The following TRAPPC9 variants were observed in gnomAD, a reference collection of about 807,000 sequenced individuals.
The protein encoded by TRAPPC9 is IKK2 binding protein.
In TRAPPC9, 83 loss-of-function variants were observed where a neutral mutation model predicts 124.0. The observed-to-expected ratio is 0.67, with a 90% CI of 0.56 to 0.80. The LOEUF is 0.80. TRAPPC9 is among the 30% of genes least tolerant of loss of function. The pLI, the probability that TRAPPC9 is intolerant of heterozygous loss-of-function variation, is 0.00. For synonymous variants in TRAPPC9, 638 were observed against 617.5 expected (o/e 1.03, Z -0.49); for missense variants, 1,302 against 1,508.3 (o/e 0.86, Z 2.27).
intron 8 of TRAPPC9, among the ~76,000 whole-genome samples, chr8:140,367,286 C>T (rs1608125): frequency 0.41 from 62,046 of 152,116 alleles, 12,981 homozygotes; most frequent in East Asian, 0.55. Context: ...TTTATGGCTG[C>T]TTTACAATTG....
rs1818649452 is a variant in TRAPPC9 at position 139,742,753 on chromosome 8, G to A, written c.3056-10551C>T. Among the ~76,000 whole-genome samples the A allele has an allele frequency of 6.6e-6, 1 of 152,180 alleles. No individual in the cohort carries two copies. The highest frequency in any genetic ancestry group is 1.5e-5 in the Non-Finnish European group (1 of 68,028). ...TTCAACTCTGATCTGCAGGCTGGGT[G>A]GGGGTAGGCAGCTGGCAGACACTCC... On this transcript the variant is annotated intron_variant, in intron 21 of 22. Transcript: ENST00000438773. This position sits in a 1 kb window ranked among gnomAD's most constrained non-coding sequence, Gnocchi z 4.7.
At chr8:139,927,239 T>C (rs1449128583) in intron 19 of TRAPPC9, among the ~76,000 whole-genome samples, 2 of 147,240 alleles carry the variant, frequency 1.4e-5, no homozygotes, top group Non-Finnish European at 3.0e-5. Flanking sequence ...GAATCTGCTA[T>C]TTTTTCTTTT....
intron 19 of TRAPPC9, among the ~76,000 whole-genome samples, chr8:139,938,176 C>A (rs1258420154): frequency 6.6e-6 from 1 of 152,238 alleles, no homozygotes; most frequent in African/African-American, 2.4e-5. Context: ...GGCTTCCTGG[C>A]AGGTCTTTGG....
In TRAPPC9 at chr8:140,152,858, A is replaced by G. The variant is rs993309917; in HGVS notation, c.2556+68601T>C. Among the ~76,000 whole-genome samples the G allele has an allele frequency of 3.3e-5, 5 of 151,848 alleles. No homozygotes were observed. The South Asian group carries it at 1.0e-3, about 32-fold the overall frequency. ...AGGTGATTTGACTTCCTCCTTTCCAACCTGGATGCTGTTTATTTCATTTTC... is the reference window on the plus strand; with the variant it reads ...AGGTGATTTGACTTCCTCCTTTCCAGCCTGGATGCTGTTTATTTCATTTTC... On this transcript the variant is annotated intron_variant, in intron 17 of 22. Coordinates refer to ENST00000438773, the MANE Select transcript of TRAPPC9 (RefSeq NM_001160372.4).
At chr8:140,403,068 C>T (rs1239989549) in intron 6 of TRAPPC9, among the ~76,000 whole-genome samples, 4 of 152,094 alleles carry the variant, frequency 2.6e-5, no homozygotes, top group Non-Finnish European at 4.4e-5. Context: ...ATGATGGGTA[C>T]TGTTATCATC....
At chr8:139,765,009 T>C (rs931380057) in intron 21 of TRAPPC9, among the ~76,000 whole-genome samples, 1 of 152,194 alleles carries the variant, frequency 6.6e-6, no homozygotes, top group Non-Finnish European at 1.5e-5. Flanking sequence ...TCAGGCCACA[T>C]AAGACAATTC....
intron 17 of TRAPPC9, among the ~76,000 whole-genome samples, chr8:140,033,692 T>TTG (rs1840694896): frequency 9.1e-6 from 1 of 110,318 alleles, no homozygotes. Context: ...TTTTTTTTTT[T>TTG]TTTTTTTGAG....
intron 21 of TRAPPC9, among the ~76,000 whole-genome samples, chr8:139,858,582 G>C (rs1827941628): frequency 6.6e-6 from 1 of 152,234 alleles, no homozygotes; most frequent in African/African-American, 2.4e-5. Flanking sequence ...GGGACAGCCA[G>C]GAAGGCCCCA....
At chr8:140,357,542 A>T (rs965270610) in intron 9 of TRAPPC9, among the ~76,000 whole-genome samples, 1 of 151,914 alleles carries the variant, frequency 6.6e-6, no homozygotes, top group Non-Finnish European at 1.5e-5. Context: ...GAGTCCAGGC[A>T]CTACCTCTTT....
chr8:140,055,855 T>A (rs11779476), intron 17 of TRAPPC9, among the ~76,000 whole-genome samples: 1 of 151,916 alleles, frequency 6.6e-6, no homozygotes, highest in Admixed American at 6.6e-5. Flanking sequence ...AAATTAAAGA[T>A]ACAAATGAAT....
chr8:140,424,256 G>A (rs557819696), intron 5 of TRAPPC9, among the ~76,000 whole-genome samples: 12 of 151,616 alleles, frequency 7.9e-5, no homozygotes, highest in Admixed American at 3.3e-4. Flanking sequence ...ACATGAAAAC[G>A]GAAAAAGCAA....
intron 21 of TRAPPC9, among the ~76,000 whole-genome samples, chr8:139,857,669 ACCTCTGCCTC>A (rs1827885134): frequency 6.6e-6 from 1 of 152,080 alleles, no homozygotes; most frequent in Non-Finnish European, 1.5e-5. Flanking sequence ...CCGTCTGACC[ACCTCTGCCTC>A]CTCCCTGCCT....
intron 21 of TRAPPC9, among the ~76,000 whole-genome samples, chr8:139,781,975 C>A (rs1821855086): frequency 6.6e-6 from 1 of 152,082 alleles, no homozygotes; most frequent in Non-Finnish European, 1.5e-5. Flanking sequence ...TGTAAATGAA[C>A]TAAATGCAGA....
chr8:140,120,108 T>C (rs778383597), intron 17 of TRAPPC9, among the ~76,000 whole-genome samples: 1 of 152,208 alleles, frequency 6.6e-6, no homozygotes, highest in Non-Finnish European at 1.5e-5. Context: ...GTTTGGCATG[T>C]ATGTGTTCAG....
chr8:139,737,860 C>T (rs754630404), intron 21 of TRAPPC9, among the ~76,000 whole-genome samples: 2 of 152,194 alleles, frequency 1.3e-5, no homozygotes, highest in African/African-American at 2.4e-5. Context: ...TCCCAACCTT[C>T]CCTGAGGAGG....
chr8:140,218,767 C>T (rs1274211828), intron 17 of TRAPPC9, among the ~76,000 whole-genome samples: 1 of 152,032 alleles, frequency 6.6e-6, no homozygotes, highest in Non-Finnish European at 1.5e-5. Context: ...CGAGACCAGC[C>T]TGGTCAACAT....
At chr8:139,893,605 A>G (rs1830483249) in intron 20 of TRAPPC9, among the ~76,000 whole-genome samples, 1 of 152,258 alleles carries the variant, frequency 6.6e-6, no homozygotes, top group South Asian at 2.1e-4. Context: ...TAATGAAAAC[A>G]TGCATGGCAA....
chr8:140,301,765 G>A (rs577269226), intron 10 of TRAPPC9, among the ~76,000 whole-genome samples: 188 of 152,290 alleles, frequency 1.2e-3, no homozygotes, highest in African/African-American at 4.1e-3. Context: ...GGGAGCCACC[G>A]AGGCCTCTGT....
At chr8:139,969,327 C>A (rs1261740274) in intron 19 of TRAPPC9, among the ~76,000 whole-genome samples, 1 of 152,240 alleles carries the variant, frequency 6.6e-6, no homozygotes, top group Non-Finnish European at 1.5e-5. Context: ...TCTCGCTAGA[C>A]TGGGGTCTCA....
Sources: gnomAD v4.1 joint callset for allele counts (sites outside exome capture counted in the v4.1 genomes callset) on GRCh38, gnomAD v4.1.1 for gene constraint, Gnocchi (gnomAD v3.1) non-coding constraint, MANE v1.5 for transcripts, NCBI Gene and HGNC (gene_info 2026-07-23, HGNC 2026-07-21) for gene names.